The following DSCAM variants were observed in gnomAD, a reference collection of about 807,000 sequenced individuals.
DSCAM encodes cell adhesion molecule DSCAM.
In DSCAM, 47 loss-of-function variants were observed where a neutral mutation model predicts 217.7. The observed-to-expected ratio is 0.22, with a 90% CI of 0.17 to 0.28. The LOEUF (loss-of-function observed/expected upper bound fraction) is 0.28, where lower values mean the gene tolerates loss of function less well. Among genes scored for constraint, DSCAM ranks in the 10% least tolerant of loss-of-function variants. The probability of loss-of-function intolerance (pLI) is 1.00; values close to 1 mark genes in which losing one functional copy is unlikely to be tolerated. For synonymous variants in DSCAM, 1,056 were observed against 1,015.3 expected (o/e 1.04, Z -0.76); for missense variants, 2,080 against 2,618.3 (o/e 0.79, Z 4.49).
intron 8 of DSCAM, among the ~76,000 whole-genome samples, chr21:40,328,616 G>A (rs1488392692): frequency 6.6e-6 from 1 of 151,968 alleles, no homozygotes; most frequent in African/African-American, 2.4e-5. Flanking sequence ...GACAACAAAC[G>A]CAAAAATAGA....
At chr21:40,240,160 G>A (rs1330622145) in intron 11 of DSCAM, among the ~76,000 whole-genome samples, 1 of 152,102 alleles carries the variant, frequency 6.6e-6, no homozygotes, top group East Asian at 1.9e-4. Context: ...CCCACTTTGG[G>A]CAGCACCGAT....
At chr21:40,480,090 T>C (rs754654227) in intron 3 of DSCAM, among the ~76,000 whole-genome samples, 1 of 152,138 alleles carries the variant, frequency 6.6e-6, no homozygotes, top group African/African-American at 2.4e-5. Context: ...GCACCCAACA[T>C]TAAGAAACAA....
chr21:40,304,231 C>CA, intron 9 of DSCAM, among the ~76,000 whole-genome samples: 1 of 152,312 alleles, frequency 6.6e-6, no homozygotes, highest in East Asian at 1.9e-4. Context: ...CAAATCTTCC[C>CA]ACTAACCCAG....
rs1459888347 is a variant in DSCAM at position 40,013,275 on chromosome 21, T to C, written c.5798A>G (p.Lys1933Arg). The C allele has an allele frequency of 1.2e-6, 2 of 1,613,730 alleles. No homozygotes were observed. The highest frequency in any genetic ancestry group is 1.1e-5 in the South Asian group (1 of 90,918). Reference protein sequence around the residue: ...SLGQACLEPQKSRTLKRPTVL... With the variant: ...SLGQACLEPQRSRTLKRPTVL... Reference sequence around the variant, plus strand: ...CGTGGGGCGCTTCAGGGTCCGGCTTTTCTGAGGTTCCAAGCATGCTTGTCC... The same window carrying C: ...CGTGGGGCGCTTCAGGGTCCGGCTTCTCTGAGGTTCCAAGCATGCTTGTCC... Residue 1933 changes from lysine (K) to arginine (R), a missense_variant, in exon 33 of 33, where the codon AAA becomes AGA. Around this residue, in one of 5 missense-constraint regions of DSCAM, gnomAD observed 145 missense variants for 138.5 expected, o/e 1.05. Transcript: ENST00000400454.
chr21:40,522,522 T>G (rs2076367091), intron 3 of DSCAM, among the ~76,000 whole-genome samples: 1 of 152,154 alleles, frequency 6.6e-6, no homozygotes, highest in African/African-American at 2.4e-5. Flanking sequence ...TAAATCTAGG[T>G]CACGTTTTCT....
chr21:40,342,407 C>G (rs1250052125), intron 6 of DSCAM, among the ~76,000 whole-genome samples: 1 of 151,666 alleles, frequency 6.6e-6, no homozygotes, highest in Non-Finnish European at 1.5e-5. Flanking sequence ...AAATCGTCAC[C>G]TATTCGCAAA....
intron 3 of DSCAM, among the ~76,000 whole-genome samples, chr21:40,412,039 C>G (rs558957959): frequency 6.6e-6 from 1 of 152,088 alleles, no homozygotes; most frequent in East Asian, 1.9e-4. Flanking sequence ...AGGGGAAACC[C>G]GTTTCATTTG....
intron 10 of DSCAM, among the ~76,000 whole-genome samples, chr21:40,282,411 C>T (rs1271513897): frequency 2.0e-5 from 3 of 151,534 alleles, no homozygotes; most frequent in Non-Finnish European, 4.4e-5. Flanking sequence ...CACGGTGAAA[C>T]CCCGTCTCTA....
At chr21:40,017,271 A>G (rs953824094) in intron 32 of DSCAM, among the ~76,000 whole-genome samples, 1 of 152,128 alleles carries the variant, frequency 6.6e-6, no homozygotes, top group Admixed American at 6.5e-5. Context: ...TATTTTTGGG[A>G]AATGCAGCAA....
At chr21:40,055,628 G>A (rs1014111618) in intron 29 of DSCAM, 97 bp downstream of exon 29, 41 of 867,250 alleles carry the variant, frequency 4.7e-5, no homozygotes, top group East Asian at 9.8e-5. Flanking sequence ...CCTTCAAGAC[G>A]CTCTCCTGTC....
At chr21:40,131,056 T>C (rs2090149925) in intron 19 of DSCAM, among the ~76,000 whole-genome samples, 1 of 152,250 alleles carries the variant, frequency 6.6e-6, no homozygotes, top group South Asian at 2.1e-4. Flanking sequence ...GAGAAAGAAC[T>C]GAGCAAATGT....
intron 3 of DSCAM, among the ~76,000 whole-genome samples, chr21:40,653,674 G>A (rs1024420887): frequency 1.3e-5 from 2 of 152,126 alleles, no homozygotes; most frequent in African/African-American, 4.8e-5. Context: ...ACCCCGCGTT[G>A]ACTGTGATCA....
rs916376893 is a variant in DSCAM, at chr21:40,532,390, T to A, written c.508+160420A>T. Among the ~76,000 whole-genome samples the A allele has an allele frequency of 4.6e-4, 70 of 152,186 alleles. 1 individual carries two copies. The highest frequency in any genetic ancestry group is 7.9e-4 in the Admixed American group (12 of 15,276). Reference sequence around the variant, plus strand: ...GACAGAATCACTTCAAGTCTAGGTGTCTGAGATGCCTCACTGAATGAGCAG... The same window carrying A: ...GACAGAATCACTTCAAGTCTAGGTGACTGAGATGCCTCACTGAATGAGCAG... On this transcript the variant is annotated intron_variant, in intron 3 of 32. Coordinates refer to ENST00000400454, the MANE Select transcript of DSCAM (RefSeq NM_001389.5).
At chr21:40,804,103 C>T (rs2091765993) in intron 1 of DSCAM, among the ~76,000 whole-genome samples, 1 of 152,184 alleles carries the variant, frequency 6.6e-6, no homozygotes, top group Non-Finnish European at 1.5e-5. Context: ...ACTCTTCCCT[C>T]ACTTAGGTTA....
At chr21:40,714,309 T>G in intron 1 of DSCAM, among the ~76,000 whole-genome samples, 1 of 152,018 alleles carries the variant, frequency 6.6e-6, no homozygotes, top group Non-Finnish European at 1.5e-5. Flanking sequence ...TACCAGCACA[T>G]AACATCAGCC....
chr21:40,397,725 G>A (rs2075193805), intron 3 of DSCAM, among the ~76,000 whole-genome samples: 1 of 151,620 alleles, frequency 6.6e-6, no homozygotes, highest in South Asian at 2.1e-4. Flanking sequence ...ATTACTATTG[G>A]CGGTACTACT....
At chr21:40,661,285 C>A (rs2090136963) in intron 3 of DSCAM, among the ~76,000 whole-genome samples, 1 of 152,180 alleles carries the variant, frequency 6.6e-6, no homozygotes, top group Non-Finnish European at 1.5e-5. Flanking sequence ...GACCTCAATT[C>A]TATCTAACAC....
At chr21:40,378,555 T>A (rs972462362) in intron 3 of DSCAM, among the ~76,000 whole-genome samples, 2 of 2,012 alleles carry the variant, frequency 9.9e-4, no homozygotes, top group African/African-American at 5.5e-3. Context: ...TGAAAACTTA[T>A]TTTTTTTTTT....
intron 1 of DSCAM, among the ~76,000 whole-genome samples, chr21:40,809,041 C>T (rs1601293016): frequency 1.3e-5 from 2 of 152,188 alleles, no homozygotes; most frequent in Admixed American, 1.3e-4. Context: ...TCTTTGATGC[C>T]CCTCTTCATT....
Sources: allele counts gnomAD v4.1 joint callset (sites outside exome capture counted in the v4.1 genomes callset), GRCh38; gene constraint gnomAD v4.1.1; regional missense constraint gnomAD v4.1.1; transcripts MANE v1.5; gene names NCBI Gene and HGNC (gene_info 2026-07-23, HGNC 2026-07-21).